Variants in UNC5C observed in about 807,000 individuals in gnomAD.
The protein encoded by UNC5C is unc-5 netrin receptor C, also known as netrin receptor UNC5C.
A neutral mutation model predicts 99.8 loss-of-function variants in UNC5C; 47 were observed. That is an observed-to-expected ratio of 0.47 (90% CI 0.37 to 0.60). UNC5C has a LOEUF of 0.60. Among genes scored for constraint, UNC5C ranks in the 20% least tolerant of loss-of-function variants. The pLI is 0.00. For synonymous variants in UNC5C, 487 were observed against 452.2 expected, an observed-to-expected ratio of 1.08 and a Z score of -0.98; for missense variants, 1,062 against 1,165.9, an observed-to-expected ratio of 0.91 and a Z score of 1.30.
intron 3 of UNC5C, among the ~76,000 whole-genome samples, chr4:95,292,066 A>G (rs1741476531): frequency 6.6e-6 from 1 of 151,846 alleles, no homozygotes; most frequent in Admixed American, 6.6e-5. Flanking sequence ...GTTAAATTGT[A>G]TAATTAATTT....
At chr4:95,378,849 C>A (rs1252467821) in intron 1 of UNC5C, among the ~76,000 whole-genome samples, 1 of 152,146 alleles carries the variant, frequency 6.6e-6, no homozygotes, top group East Asian at 1.9e-4. Flanking sequence ...AGTTGATTTA[C>A]TACTGTCTTT....
intron 1 of UNC5C, among the ~76,000 whole-genome samples, chr4:95,424,518 CTTTTTTTTT>C (rs536039867): frequency 1.0e-4 from 7 of 67,962 alleles, no homozygotes; most frequent in South Asian, 7.5e-4. Flanking sequence ...TTTTTCTTTT[CTTTTTTTTT>C]TTTTTTTTTT....
chr4:95,453,747 G>A (rs1747350360), intron 1 of UNC5C, among the ~76,000 whole-genome samples: 1 of 152,044 alleles, frequency 6.6e-6, no homozygotes, highest in Non-Finnish European at 1.5e-5. Flanking sequence ...TTACAGTAGA[G>A]GGTGATACTT....
At chr4:95,228,477 A>G (rs1738776845) in intron 7 of UNC5C, among the ~76,000 whole-genome samples, 1 of 152,164 alleles carries the variant, frequency 6.6e-6, no homozygotes, top group East Asian at 1.9e-4. Flanking sequence ...CAAACTTGCA[A>G]ACCCCCAGGA....
intron 1 of UNC5C, among the ~76,000 whole-genome samples, chr4:95,459,328 G>A (rs1747532181): frequency 6.6e-6 from 1 of 151,914 alleles, no homozygotes; most frequent in South Asian, 2.1e-4. Flanking sequence ...ACTTTCTTTT[G>A]TACCTCAAGA....
chr4:95,513,092 A>G (rs1288076185), intron 1 of UNC5C, among the ~76,000 whole-genome samples: 3 of 152,220 alleles, frequency 2.0e-5, no homozygotes, highest in Non-Finnish European at 4.4e-5. Flanking sequence ...TGGTTGCTAA[A>G]TATGTAAATC....
At chr4:95,432,258 C>A (rs575140887) in intron 1 of UNC5C, among the ~76,000 whole-genome samples, 1 of 152,144 alleles carries the variant, frequency 6.6e-6, no homozygotes, top group African/African-American at 2.4e-5. Flanking sequence ...TTATAAAAGT[C>A]TACTTTCATC....
rs149875002 is a variant in UNC5C at position 95,495,032 on chromosome 4, C to T, written c.124+53702G>A. Among the ~76,000 whole-genome samples the T allele has an allele frequency of 3.1e-3, 466 of 151,504 alleles. 1 individual carries two copies. The highest frequency in any genetic ancestry group is 0.011 in the African/African-American group (444 of 41,436). On this transcript the variant is annotated intron_variant, in intron 1 of 15. Coordinates refer to ENST00000453304, the MANE Select transcript of UNC5C (RefSeq NM_003728.4). The stretch of plus-strand genomic sequence containing the variant: ...GTTATATACAGTTGTGCATGTGAAT[C>T]AATATAGGCATTTCTAATTATTTTA...
chr4:95,356,200 A>AC (rs1300048490), intron 1 of UNC5C, among the ~76,000 whole-genome samples: 1 of 127,850 alleles, frequency 7.8e-6, no homozygotes, highest in Non-Finnish European at 1.7e-5. Flanking sequence ...TAGCAAAAAA[A>AC]AAAAAAAAAA....
intron 10 of UNC5C, among the ~76,000 whole-genome samples, chr4:95,208,248 TA>T (rs1353280000): frequency 6.6e-6 from 1 of 152,208 alleles, no homozygotes; most frequent in South Asian, 2.1e-4. Flanking sequence ...AAATATTATT[TA>T]GCAGGCTCCA....
chr4:95,196,817 A>ATATATTATATTTATGTAATATATAAT (rs1737429001), intron 12 of UNC5C, among the ~76,000 whole-genome samples: 1 of 162 alleles, frequency 6.2e-3, no homozygotes, highest in African/African-American at 8.9e-3. Flanking sequence ...TATATAATAT[A>ATATATTATATTTATGTAATATATAAT]TATTTATATA....
In UNC5C at chr4:95,488,435, T is replaced by C. The variant is rs566171471; in HGVS notation, c.124+60299A>G. The stretch of plus-strand genomic sequence containing the variant: ...TCTCCGTAGCTTTTTAAAGCAGATT[T>C]TCAACTAAAATTTCCTTAAGATAAA... On this transcript the variant is annotated intron_variant, in intron 1 of 15. Transcript: ENST00000453304. Among the ~76,000 whole-genome samples, 12 of 151,906 alleles carry C rather than the reference T, an allele frequency of 7.9e-5. No homozygotes were observed. In the South Asian group the frequency reaches 8.3e-4, roughly 11 times the overall value.
At chr4:95,183,208 C>T (rs1736689411) in intron 13 of UNC5C, 147 bp from the exon 14 acceptor site, 2 of 714,068 alleles carry the variant, frequency 2.8e-6, no homozygotes, top group East Asian at 2.8e-5. Flanking sequence ...ATCCTGGACC[C>T]TTATCACATG....
chr4:95,452,475 AG>A (rs1335791746), intron 1 of UNC5C, among the ~76,000 whole-genome samples: 2 of 152,124 alleles, frequency 1.3e-5, no homozygotes, highest in African/African-American at 2.4e-5. Context: ...TTCCACACAA[AG>A]GGTGGCCCAG....
intron 1 of UNC5C, among the ~76,000 whole-genome samples, chr4:95,349,329 G>GTA (rs1463082743): frequency 5.2e-5 from 7 of 135,128 alleles, no homozygotes; most frequent in Non-Finnish European, 1.7e-5. Context: ...AAGGGTGTGT[G>GTA]TGTGTGTGTG....
chr4:95,450,666 A>C (rs1192102671), intron 1 of UNC5C, among the ~76,000 whole-genome samples: 1 of 152,210 alleles, frequency 6.6e-6, no homozygotes, highest in Non-Finnish European at 1.5e-5. Flanking sequence ...AATAAGAGTG[A>C]CGTGTTTCCA....
chr4:95,235,975 C>T (rs1465724455), intron 7 of UNC5C, among the ~76,000 whole-genome samples: 2 of 152,162 alleles, frequency 1.3e-5, no homozygotes, highest in African/African-American at 4.8e-5. Flanking sequence ...AACACTTTTA[C>T]AGTGTTGGTA....
chr4:95,197,767 A>C (rs1022086142), intron 12 of UNC5C, among the ~76,000 whole-genome samples: 5 of 152,122 alleles, frequency 3.3e-5, no homozygotes, highest in Non-Finnish European at 5.9e-5. Flanking sequence ...ACCCAATCAG[A>C]AATGTATGAT....
intron 11 of UNC5C, among the ~76,000 whole-genome samples, chr4:95,203,441 G>T (rs1239132398): frequency 6.6e-6 from 1 of 151,786 alleles, no homozygotes; most frequent in Non-Finnish European, 1.5e-5. Flanking sequence ...GTTGTTGTTG[G>T]GTCAGTATAC....
Sources: gnomAD v4.1 joint callset for allele counts (sites outside exome capture counted in the v4.1 genomes callset) on GRCh38, gnomAD v4.1.1 for gene constraint, MANE v1.5 for transcripts, NCBI Gene and HGNC (gene_info 2026-07-23, HGNC 2026-07-21) for gene names.